BARD1: variants seen among roughly 807,000 people sequenced by gnomAD.
BARD1 encodes the protein BRCA1 associated RING domain 1, also known as BRCA1-associated RING domain protein 1.
Under a neutral mutation model 77.0 loss-of-function variants are expected in BARD1, and 73 were observed. The ratio of observed to expected loss-of-function variants is 0.95; its 90% confidence interval spans 0.79 to 1.15. The LOEUF (loss-of-function observed/expected upper bound fraction) is 1.15. Ranked by LOEUF, BARD1 falls within the 50% of genes most tolerant of loss-of-function variation. The pLI, the probability that BARD1 is intolerant of heterozygous loss-of-function variation, is 0.00. For missense variants in BARD1, 993 were observed against 938.8 expected, an observed-to-expected ratio of 1.06 and a Z score of -0.75; for synonymous variants, 384 against 338.0, an observed-to-expected ratio of 1.14 and a Z score of -1.49.
chr2:214,738,319 C>T (rs1692658145), intron 9 of BARD1, among the ~76,000 whole-genome samples: 1 of 152,076 alleles, frequency 6.6e-6, no homozygotes, highest in South Asian at 2.1e-4. Flanking sequence ...TAATTTTTTA[C>T]ATATAGGTAA....
At chr2:214,770,717 T>C (rs546471409) in intron 4 of BARD1, among the ~76,000 whole-genome samples, 2 of 152,326 alleles carry the variant, frequency 1.3e-5, no homozygotes, top group South Asian at 4.1e-4. Context: ...ACTTTAAAGC[T>C]GTCTTGAAGT....
chr2:214,743,101 AGAT>A, intron 9 of BARD1, among the ~76,000 whole-genome samples: 1 of 152,360 alleles, frequency 6.6e-6, no homozygotes, highest in East Asian at 1.9e-4. Flanking sequence ...TGATGAGAAC[AGAT>A]GGAGTGGCAT....
chr2:214,751,146 TATATA>T lies in BARD1; in HGVS notation c.1677+1296_1677+1300del, dbSNP rs1181805527. Among the ~76,000 whole-genome samples, 47 of 42,856 alleles carry T rather than the reference TATATA, an allele frequency of 1.1e-3. 2 individuals are homozygous for T. Among genetic ancestry groups the T allele is most frequent in the South Asian group, 1.9e-3 (2 of 1,042 alleles). The allele number at this position is 42,856 out of a possible 152,430, so 28.1% of individuals were successfully genotyped here. ...ATATATATATATATATATATATATA[TATATA>T]TTTTTTTTTTTTTTTTTTTTTTTTT... On this transcript the variant is annotated intron_variant, in intron 7 of 10. Coordinates refer to ENST00000260947, the MANE Select transcript of BARD1 (RefSeq NM_000465.4).
In BARD1 at chr2:214,781,487, C is replaced by T. The variant is rs1158567575; in HGVS notation, c.387G>A (p.Arg129=). 6.2e-7 allele frequency: 1 copy of T among 1,611,336 alleles called. No individual in the cohort carries two copies. Among genetic ancestry groups the T allele is most frequent in the Admixed American group, 1.7e-5 (1 of 59,640 alleles). The change falls in exon 4 of 11, where the codon AGG becomes AGA. Residue 129 remains arginine, a synonymous_variant. Transcript: ENST00000260947. ...ELSDLKEDKP[R]KSLFNDAGNK... Reference sequence around the variant, plus strand: ...TTCCTGCATCATTAAACAAACTTTTCCTAGGTTTATCTTCTTTCAAATCTG... The same window carrying T: ...TTCCTGCATCATTAAACAAACTTTTTCTAGGTTTATCTTCTTTCAAATCTG...
At chr2:214,767,700 A>C in intron 5 of BARD1, 46 bp from the exon 6 acceptor site, 2 of 1,532,674 alleles carry the variant, frequency 1.3e-6, no homozygotes, top group South Asian at 2.3e-5. Context: ...GATAAGAAAG[A>C]GCAATGGATG....
At chr2:214,759,920 G>A (rs1391622236) in intron 6 of BARD1, among the ~76,000 whole-genome samples, 1 of 152,084 alleles carries the variant, frequency 6.6e-6, no homozygotes, top group Non-Finnish European at 1.5e-5. Context: ...GCCTTATAAG[G>A]TTTCAAGATT....
intron 5 of BARD1, 132 bp downstream of exon 5, chr2:214,769,100 T>C: frequency 1.3e-6 from 1 of 755,680 alleles, no homozygotes; most frequent in Admixed American, 2.7e-5. Context: ...GTTCTCATAC[T>C]TGATGAAAAC....
At chr2:214,774,923 G>A (rs1694672101) in intron 4 of BARD1, among the ~76,000 whole-genome samples, 1 of 152,126 alleles carries the variant, frequency 6.6e-6, no homozygotes, top group South Asian at 2.1e-4. Flanking sequence ...ACCTCTGCTA[G>A]CTTCCAACTT....
At chr2:214,800,049 A>G (rs756243347) in intron 1 of BARD1, among the ~76,000 whole-genome samples, 3 of 152,214 alleles carry the variant, frequency 2.0e-5, no homozygotes, top group Non-Finnish European at 4.4e-5. Flanking sequence ...CCCAGGATGC[A>G]GTCCGTAGCC....
rs143550943 is a variant in BARD1 at position 214,740,822 on chromosome 2, T to A, written c.1903+4245A>T. Among the ~76,000 whole-genome samples, 103 of 151,858 alleles carry A rather than the reference T, an allele frequency of 6.8e-4. 2 individuals are homozygous for A. In the East Asian group the frequency reaches 0.019, roughly 28 times the overall value. On this transcript the variant is annotated intron_variant, in intron 9 of 10. Transcript: ENST00000260947. ...GGACTATTAGATCAAAGGATGTTAT[T>A]TTTTTTTATTCTTAGACAATCTTTG...
rs566030850 is a variant in BARD1, at chr2:214,805,206, G to T, written c.158+4206C>A. The stretch of plus-strand genomic sequence containing the variant: ...ATATTTCAATTTAAAAGCCCATGAA[G>T]CTTCCTTCCACTGGCCCTACCCAAG... On this transcript the variant is annotated intron_variant, in intron 1 of 10. Coordinates refer to ENST00000260947, the MANE Select transcript of BARD1 (RefSeq NM_000465.4). Among the ~76,000 whole-genome samples, 9 of 152,244 alleles carry T rather than the reference G, an allele frequency of 5.9e-5. No homozygotes were observed. In the East Asian group the frequency reaches 1.7e-3, roughly 29 times the overall value.
At chr2:214,771,729 GA>G (rs531643614) in intron 4 of BARD1, among the ~76,000 whole-genome samples, 20,838 of 142,630 alleles carry the variant, frequency 0.15, 1,532 homozygotes, top group African/African-American at 0.19. Context: ...CTCTACCTCA[GA>G]AAAAAAAAAA....
intron 4 of BARD1, among the ~76,000 whole-genome samples, chr2:214,777,332 G>A (rs1694778777): frequency 2.0e-5 from 3 of 152,086 alleles, no homozygotes; most frequent in Admixed American, 6.5e-5. Context: ...GGTATTATAC[G>A]ATGTTTATTA....
chr2:214,728,936 TAAGGTTGTCCTTTGGATGGTGTTTG>T lies in BARD1; in HGVS notation c.2049_2073del (p.Phe683LeufsTer23). 1 of 1,614,204 alleles carries T rather than the reference TAAGGTTGTCCTTTGGATGGTGTTTG, an allele frequency of 6.2e-7. No homozygotes were observed. The highest frequency in any genetic ancestry group is 1.1e-5 in the South Asian group (1 of 91,086). ...CCCCCACCTGCAGTGACGAGCTTAA[TAAGGTTGTCCTTTGGATGGTGTTTG>T]AAGGTTCCCCACAAATAGAAGTAGC... is the stretch of plus-strand genomic sequence containing the variant. On this transcript the variant is annotated frameshift_variant, in exon 11 of 11. Transcript: ENST00000260947. LOFTEE classifies it high-confidence loss of function.
At chr2:214,759,243 A>G (rs1191352113) in intron 6 of BARD1, among the ~76,000 whole-genome samples, 1 of 152,194 alleles carries the variant, frequency 6.6e-6, no homozygotes, top group African/African-American at 2.4e-5. Context: ...TTCCAAGGAA[A>G]ACTGTTAATG....
chr2:214,772,857 A>C (rs1224889411), intron 4 of BARD1, among the ~76,000 whole-genome samples: 2 of 152,250 alleles, frequency 1.3e-5, no homozygotes, highest in African/African-American at 4.8e-5. Context: ...GTAGCCAGGA[A>C]ATAAATTAAG....
intron 1 of BARD1, among the ~76,000 whole-genome samples, chr2:214,799,097 A>T (rs542855993): frequency 7.2e-5 from 11 of 152,284 alleles, no homozygotes; most frequent in African/African-American, 2.6e-4. Flanking sequence ...AGACTGGGTG[A>T]CAGAGCGAGA....
At chr2:214,750,029 T>C (rs1278063871) in intron 7 of BARD1, among the ~76,000 whole-genome samples, 1 of 152,154 alleles carries the variant, frequency 6.6e-6, no homozygotes, top group African/African-American at 2.4e-5. Flanking sequence ...TGTAGCTACC[T>C]TAGGCTACCT....
At chr2:214,764,108 C>G (rs1694087265) in intron 6 of BARD1, among the ~76,000 whole-genome samples, 1 of 152,196 alleles carries the variant, frequency 6.6e-6, no homozygotes, top group African/African-American at 2.4e-5. Flanking sequence ...TGGTTTTAGA[C>G]ATCTTGTCAC....
Sources: gnomAD v4.1 joint callset for allele counts (sites outside exome capture counted in the v4.1 genomes callset) on GRCh38, gnomAD v4.1.1 for gene constraint, MANE v1.5 for transcripts, NCBI Gene and HGNC (gene_info 2026-07-23, HGNC 2026-07-21) for gene names.